WWOX: variants seen among roughly 807,000 people sequenced by gnomAD.
WWOX encodes the protein WW domain-containing oxidoreductase.
WWOX carries 69 observed loss-of-function variants against 46.2 expected under a neutral mutation model. That is an observed-to-expected ratio of 1.49 (90% confidence interval 1.23 to 1.82). The LOEUF (loss-of-function observed/expected upper bound fraction) is 1.82. Among genes scored for constraint, WWOX ranks in the 40% most tolerant of loss-of-function variants. The pLI is 0.00. For missense variants in WWOX, 919 were observed against 542.6 expected, an observed-to-expected ratio of 1.69 and a Z score of -6.89; for synonymous variants, 359 against 202.6, an observed-to-expected ratio of 1.77 and a Z score of -6.56.
chr16:78,566,407 AG>A (rs1398430345), intron 8 of WWOX, among the ~76,000 whole-genome samples: 1 of 152,134 alleles, frequency 6.6e-6, no homozygotes, highest in African/African-American at 2.4e-5. Flanking sequence ...GAACCAGGAG[AG>A]GGTCCTCTGG....
At chr16:78,550,924 T>A (rs2044158461) in intron 8 of WWOX, 1 of 152,188 alleles carries the variant, frequency 6.6e-6, no homozygotes. Flanking sequence ...TCAGCATTAA[T>A]TGATAAATCC....
intron 8 of WWOX, among the ~76,000 whole-genome samples, chr16:78,679,475 C>CG (rs35342445): frequency 3.3e-5 from 5 of 151,998 alleles, no homozygotes; most frequent in South Asian, 2.1e-4. Context: ...CACTTGATCC[C>CG]GGGGGGCAGA....
At chr16:79,023,344 G>A (rs1051277497) in intron 8 of WWOX, among the ~76,000 whole-genome samples, 3 of 152,152 alleles carry the variant, frequency 2.0e-5, no homozygotes, top group Non-Finnish European at 4.4e-5. Flanking sequence ...CATCCTCTTG[G>A]TATGAGTTCT....
intron 5 of WWOX, among the ~76,000 whole-genome samples, chr16:78,250,707 C>T (rs1464212370): frequency 1.3e-5 from 2 of 152,038 alleles, no homozygotes; most frequent in African/African-American, 4.8e-5. Flanking sequence ...GTACAACTGC[C>T]CACCTTACAT....
chr16:78,671,671 T>G (rs2047468497), intron 8 of WWOX, among the ~76,000 whole-genome samples: 1 of 152,164 alleles, frequency 6.6e-6, no homozygotes, highest in Non-Finnish European at 1.5e-5. Context: ...AGACAGTGTA[T>G]GTAAAGCATT....
At chr16:78,899,228 G>T (rs972206789) in intron 8 of WWOX, 2 of 152,088 alleles carry the variant, frequency 1.3e-5, no homozygotes, top group Non-Finnish European at 2.9e-5. Flanking sequence ...ATTAGATTAA[G>T]GAGTTTGAAT....
At chr16:78,559,267 G>C (rs1567644078) in intron 8 of WWOX, among the ~76,000 whole-genome samples, 2 of 152,212 alleles carry the variant, frequency 1.3e-5, no homozygotes, top group Non-Finnish European at 2.9e-5. Flanking sequence ...ATTTTAGAAA[G>C]AGCCCTCTGG....
chr16:78,525,000 G>C (rs2043429839), intron 8 of WWOX, among the ~76,000 whole-genome samples: 1 of 150,550 alleles, frequency 6.6e-6, no homozygotes, highest in African/African-American at 2.4e-5. Flanking sequence ...TGAGTAGCTG[G>C]AATTACGGGC....
At chr16:78,996,279 G>T in intron 8 of WWOX, 1 of 984,932 alleles carries the variant, frequency 1.0e-6, no homozygotes, top group Non-Finnish European at 1.2e-6. Context: ...TCAGCTGGGT[G>T]CTCCCTGGAA....
rs570658147 is a variant in WWOX, at chr16:78,425,144, A to G, written c.791+89A>G. On this transcript the variant is annotated intron_variant, in intron 7 of 8. Transcript: ENST00000566780. ...GGCTCTCATTCTGAAAATAATTTTC[A>G]TTAGTCCTGCTTGAGACATGTGGGT... 1.9e-6 allele frequency: 3 copies of G among 1,558,468 alleles called. No homozygotes were observed. In the African/African-American group the frequency reaches 4.1e-5, roughly 21 times the overall value.
At chr16:78,822,187 C>G (rs906579443) in intron 8 of WWOX, among the ~76,000 whole-genome samples, 1 of 151,950 alleles carries the variant, frequency 6.6e-6, no homozygotes, top group Non-Finnish European at 1.5e-5. Context: ...TAAATAAACT[C>G]TTTAGTGTCA....
intron 8 of WWOX, chr16:78,899,336 A>G (rs1330627663): frequency 1.3e-5 from 2 of 152,200 alleles, no homozygotes; most frequent in South Asian, 4.1e-4. Context: ...GAGGGAGTTT[A>G]GCTCATTGGT....
chr16:78,663,306 G>C (rs969541644), intron 8 of WWOX, among the ~76,000 whole-genome samples: 2 of 152,124 alleles, frequency 1.3e-5, no homozygotes, highest in African/African-American at 4.8e-5. Context: ...GTTATTTCAT[G>C]TATTAATATT....
At chr16:79,003,074 C>T (rs893643648) in intron 8 of WWOX, among the ~76,000 whole-genome samples, 1 of 152,128 alleles carries the variant, frequency 6.6e-6, no homozygotes, top group African/African-American at 2.4e-5. Flanking sequence ...CAATTCAGAC[C>T]CCACTCTTCC....
intron 8 of WWOX, among the ~76,000 whole-genome samples, chr16:78,862,076 A>G (rs979858504): frequency 2.6e-5 from 4 of 152,042 alleles, no homozygotes; most frequent in African/African-American, 9.7e-5. Context: ...ATGCATATCT[A>G]TACACACCTA....
chr16:78,586,405 G>C (rs768046650), intron 8 of WWOX, among the ~76,000 whole-genome samples: 1 of 152,006 alleles, frequency 6.6e-6, no homozygotes, highest in Non-Finnish European at 1.5e-5. Flanking sequence ...AAAATGGGGA[G>C]GTAAGGCCAG....
chr16:78,996,024 T>A (rs2046981225), intron 8 of WWOX, among the ~76,000 whole-genome samples: 1 of 152,212 alleles, frequency 6.6e-6, no homozygotes, highest in Non-Finnish European at 1.5e-5. Flanking sequence ...TACATTTTCA[T>A]TTCACTGAAA....
intron 8 of WWOX, among the ~76,000 whole-genome samples, chr16:78,993,848 G>A (rs1231210150): frequency 2.0e-5 from 3 of 152,184 alleles, no homozygotes; most frequent in Non-Finnish European, 4.4e-5. Flanking sequence ...TGTTCTCCAC[G>A]GCGGAGCCCG....
At chr16:78,800,241 C>A (rs1043962235) in intron 8 of WWOX, among the ~76,000 whole-genome samples, 22 of 138,348 alleles carry the variant, frequency 1.6e-4, no homozygotes, top group Non-Finnish European at 3.5e-4. Flanking sequence ...GTTCATTGTT[C>A]CATGGCAAAA....
Sources: allele counts gnomAD v4.1 joint callset (sites outside exome capture counted in the v4.1 genomes callset), GRCh38; gene constraint gnomAD v4.1.1; transcripts MANE v1.5; gene names NCBI Gene and HGNC (gene_info 2026-07-23, HGNC 2026-07-21).